FBXL17: variants seen among roughly 807,000 people sequenced by gnomAD.
The protein encoded by FBXL17 is F-box/LRR-repeat protein 17.
A neutral mutation model predicts 66.2 loss-of-function variants in FBXL17; 22 were observed. That is an observed-to-expected ratio of 0.33 (90% CI 0.24 to 0.47). The LOEUF is 0.47. FBXL17 is among the 20% of genes least tolerant of loss of function. FBXL17 has a pLI of 1.00. For synonymous variants in FBXL17, 474 were observed against 400.5 expected (o/e 1.18, Z -2.19); for missense variants, 878 against 948.2 (o/e 0.93, Z 0.97).
At chr5:108,195,980 G>T (rs1420136333) in intron 5 of FBXL17, among the ~76,000 whole-genome samples, 2 of 152,098 alleles carry the variant, frequency 1.3e-5, no homozygotes, top group African/African-American at 4.8e-5. Context: ...TAACCAAGTA[G>T]AGATGTCAAA....
At chr5:108,058,389 A>G (rs1326137588) in intron 6 of FBXL17, among the ~76,000 whole-genome samples, 2 of 151,452 alleles carry the variant, frequency 1.3e-5, no homozygotes, top group Non-Finnish European at 2.9e-5. Context: ...GTCTACATGG[A>G]TTCTTTCTTT....
At chr5:108,328,392 T>C (rs1415855563) in intron 4 of FBXL17, among the ~76,000 whole-genome samples, 2 of 151,966 alleles carry the variant, frequency 1.3e-5, no homozygotes, top group African/African-American at 4.8e-5. Context: ...TGCCTCTTGG[T>C]TTCATCAAAA....
intron 6 of FBXL17, among the ~76,000 whole-genome samples, chr5:108,065,566 A>C (rs768570474): frequency 1.2e-4 from 19 of 152,178 alleles, no homozygotes; most frequent in Non-Finnish European, 2.4e-4. Flanking sequence ...AAATTAATAA[A>C]TTCTGCTTCT....
intron 7 of FBXL17, among the ~76,000 whole-genome samples, chr5:107,955,746 C>A (rs1561337880): frequency 6.6e-6 from 1 of 152,278 alleles, no homozygotes; most frequent in East Asian, 1.9e-4. Flanking sequence ...GACAGAGATT[C>A]TCAAGGTAGC....
At chr5:108,176,401 A>G (rs912745697) in intron 6 of FBXL17, among the ~76,000 whole-genome samples, 1 of 152,180 alleles carries the variant, frequency 6.6e-6, no homozygotes, top group Non-Finnish European at 1.5e-5. Flanking sequence ...ATATGATTCT[A>G]TGGGAGCTCT....
intron 7 of FBXL17, among the ~76,000 whole-genome samples, chr5:107,990,853 C>A (rs1289889323): frequency 6.6e-6 from 1 of 152,136 alleles, no homozygotes; most frequent in East Asian, 1.9e-4. Context: ...GACATCTTCT[C>A]CGAGACTGGT....
intron 4 of FBXL17, among the ~76,000 whole-genome samples, chr5:108,295,881 G>C (rs1161093166): frequency 6.7e-6 from 1 of 149,208 alleles, no homozygotes; most frequent in African/African-American, 2.5e-5. Context: ...ATTTAGATTC[G>C]ACTGTGTAGC....
intron 7 of FBXL17, among the ~76,000 whole-genome samples, chr5:107,984,729 T>C (rs900289107): frequency 2.0e-5 from 3 of 152,208 alleles, no homozygotes; most frequent in Admixed American, 1.3e-4. Context: ...GAAAAAATAA[T>C]TTGTTATGCT....
chr5:107,944,948 T>C (rs189515489), intron 7 of FBXL17, among the ~76,000 whole-genome samples: 1 of 152,030 alleles, frequency 6.6e-6, no homozygotes, highest in Non-Finnish European at 1.5e-5. Context: ...AAAAATTTGT[T>C]CATTGAGATA....
intron 4 of FBXL17, among the ~76,000 whole-genome samples, chr5:108,339,846 C>T (rs1281275861): frequency 1.3e-5 from 2 of 151,980 alleles, no homozygotes; most frequent in East Asian, 3.9e-4. Context: ...TCCTGAGATC[C>T]CGTTTGCATT....
rs974783768 is a variant in FBXL17, at chr5:108,063,586, C to A, written c.1746-42585G>T. 7.2e-5 allele frequency among the ~76,000 whole-genome samples: 11 copies of A among 152,152 alleles called. No individual in the cohort carries two copies. The East Asian group carries it at 2.1e-3, about 29-fold the overall frequency. On this transcript the variant is annotated intron_variant, in intron 6 of 8. Coordinates refer to ENST00000542267, the MANE Select transcript of FBXL17 (RefSeq NM_001163315.3). The stretch of plus-strand genomic sequence containing the variant: ...AATCTATGAACTACTATTCTGAATT[C>A]CTCAGATTCACAAGGGAAGTAACAT...
At chr5:108,192,317 G>A (rs899550509) in intron 5 of FBXL17, among the ~76,000 whole-genome samples, 1 of 152,108 alleles carries the variant, frequency 6.6e-6, no homozygotes, top group Non-Finnish European at 1.5e-5. Context: ...TTACAATCAA[G>A]ATCTAAATGT....
At chr5:108,294,043 C>CA (rs71624893) in intron 4 of FBXL17, among the ~76,000 whole-genome samples, 10,942 of 51,312 alleles carry the variant, frequency 0.21, 1,214 homozygotes, top group Non-Finnish European at 0.26. Context: ...TCTTGTCTCA[C>CA]AAAAAAAAAA....
intron 1 of FBXL17, among the ~76,000 whole-genome samples, chr5:108,378,637 G>A (rs959817386): frequency 2.0e-5 from 3 of 152,142 alleles, no homozygotes; most frequent in Admixed American, 2.0e-4. Flanking sequence ...GGCTCCAACA[G>A]CAACTCCAGT....
intron 5 of FBXL17, among the ~76,000 whole-genome samples, chr5:108,222,308 G>A (rs1754900298): frequency 6.6e-6 from 1 of 152,132 alleles, no homozygotes; most frequent in Non-Finnish European, 1.5e-5. Flanking sequence ...AACACTTGTT[G>A]TGCACAATCT....
At chr5:108,085,607 G>A (rs1205612921) in intron 6 of FBXL17, among the ~76,000 whole-genome samples, 1 of 152,148 alleles carries the variant, frequency 6.6e-6, no homozygotes, top group Non-Finnish European at 1.5e-5. Context: ...ACACCTCAGT[G>A]TATGGTACCT....
chr5:108,040,790 T>C (rs1240158085), intron 6 of FBXL17, among the ~76,000 whole-genome samples: 1 of 152,032 alleles, frequency 6.6e-6, no homozygotes, highest in African/African-American at 2.4e-5. Flanking sequence ...GGACATGAGG[T>C]TTTTACCGTG....
intron 6 of FBXL17, among the ~76,000 whole-genome samples, chr5:108,049,592 A>T (rs1355520078): frequency 6.6e-6 from 1 of 152,168 alleles, no homozygotes; most frequent in Non-Finnish European, 1.5e-5. Flanking sequence ...AGGAAGCTCT[A>T]AATATGGAAA....
Position 108,247,259 on chromosome 5 carries a change from G to A in FBXL17, c.1507-23031C>T, listed in dbSNP as rs533867015. Among the ~76,000 whole-genome samples the A allele has an allele frequency of 6.3e-4, 96 of 152,172 alleles. 1 individual carries two copies. Among genetic ancestry groups the A allele is most frequent in the South Asian group, 2.7e-3 (13 of 4,820 alleles). Reference sequence around the variant, plus strand: ...TTTGGTTCTACATAAAACGAAGATAGAGGATACAAAAGGAGAGCCTTTCCA... The same window carrying A: ...TTTGGTTCTACATAAAACGAAGATAAAGGATACAAAAGGAGAGCCTTTCCA... On this transcript the variant is annotated intron_variant, in intron 4 of 8. Transcript: ENST00000542267.
Sources: gnomAD v4.1 joint callset for allele counts (sites outside exome capture counted in the v4.1 genomes callset) on GRCh38, gnomAD v4.1.1 for gene constraint, MANE v1.5 for transcripts, NCBI Gene and HGNC (gene_info 2026-07-23, HGNC 2026-07-21) for gene names.